ARB2A: variants seen among roughly 807,000 people sequenced by gnomAD.
The protein encoded by ARB2A is ARB2 cotranscriptional regulator A.
chr5:93,820,966 A>C, the ARB2A span, among the ~76,000 whole-genome samples: 1 of 152,152 alleles, frequency 6.6e-6, no homozygotes, highest in Non-Finnish European at 1.5e-5. Context: ...TAATGAGGTT[A>C]GATCTAATCA....
the ARB2A span, among the ~76,000 whole-genome samples, chr5:93,706,301 C>T: frequency 6.6e-6 from 1 of 152,188 alleles, no homozygotes; most frequent in African/African-American, 2.4e-5. Context: ...CACAAAAAGC[C>T]ACATATTCTG....
At chr5:93,684,081 C>T in the ARB2A span, among the ~76,000 whole-genome samples, 1 of 152,084 alleles carries the variant, frequency 6.6e-6, no homozygotes, top group African/African-American at 2.4e-5. Flanking sequence ...TAGCAATGAC[C>T]GTGTCAAACT....
chr5:93,668,673 G>A, the ARB2A span, among the ~76,000 whole-genome samples: 2 of 152,114 alleles, frequency 1.3e-5, no homozygotes, highest in Non-Finnish European at 2.9e-5. Flanking sequence ...ACAGTGGATA[G>A]GATAAGTACT....
chr5:93,996,520 A>C, the ARB2A span, among the ~76,000 whole-genome samples: 1 of 152,072 alleles, frequency 6.6e-6, no homozygotes. Flanking sequence ...TTATTGGTTC[A>C]CAAATCCAAG....
the ARB2A span, among the ~76,000 whole-genome samples, chr5:93,949,517 C>G: frequency 6.6e-6 from 1 of 151,958 alleles, no homozygotes; most frequent in Admixed American, 6.5e-5. Context: ...GCCGAGATCA[C>G]GCCACTGCAC....
At chr5:93,764,871 G>C in the ARB2A span, among the ~76,000 whole-genome samples, 15 of 152,168 alleles carry the variant, frequency 9.9e-5, no homozygotes, top group Non-Finnish European at 2.1e-4. Context: ...TCATTCCTGG[G>C]ATGCAAGGCT....
the ARB2A span, among the ~76,000 whole-genome samples, chr5:93,947,385 C>G: frequency 1.2e-4 from 18 of 152,016 alleles, no homozygotes; most frequent in Non-Finnish European, 2.5e-4. Flanking sequence ...ATTTACCCTA[C>G]CTGGTACCTT....
chr5:94,007,385 C>A, the ARB2A span, among the ~76,000 whole-genome samples: 244 of 152,234 alleles, frequency 1.6e-3, no homozygotes, highest in Non-Finnish European at 2.3e-3. Flanking sequence ...TTAGACTGAT[C>A]CAGTTTAACC....
chr5:93,983,577 G>C, the ARB2A span, among the ~76,000 whole-genome samples: 1 of 152,146 alleles, frequency 6.6e-6, no homozygotes, highest in Non-Finnish European at 1.5e-5. Flanking sequence ...CTAATACATA[G>C]AGAGGAAATG....
At chr5:93,664,557 G>A in the ARB2A span, among the ~76,000 whole-genome samples, 2 of 151,282 alleles carry the variant, frequency 1.3e-5, no homozygotes, top group Non-Finnish European at 2.9e-5. Context: ...CATGAACCCG[G>A]GAGGTGGAGC....
the ARB2A span, among the ~76,000 whole-genome samples, chr5:93,936,093 A>C: frequency 2.6e-5 from 4 of 152,226 alleles, no homozygotes; most frequent in Admixed American, 2.0e-4. Flanking sequence ...AAGTAGTAAC[A>C]AAGAGTTAAA....
chr5:93,763,021 T>C, the ARB2A span, among the ~76,000 whole-genome samples: 1 of 150,858 alleles, frequency 6.6e-6, no homozygotes, highest in Admixed American at 6.6e-5. Flanking sequence ...TGTCACCAAC[T>C]GCCCTAAAAG....
At chr5:93,843,005 G>C in the ARB2A span, among the ~76,000 whole-genome samples, 5 of 152,142 alleles carry the variant, frequency 3.3e-5, no homozygotes, top group African/African-American at 1.2e-4. Flanking sequence ...CTTCCCCACT[G>C]TTGGCAGTCA....
chr5:93,762,445 G>C, the ARB2A span, among the ~76,000 whole-genome samples: 5 of 152,180 alleles, frequency 3.3e-5, no homozygotes, highest in Non-Finnish European at 7.3e-5. Flanking sequence ...GGAAGAAAGG[G>C]TATCAGTGAT....
the ARB2A span, among the ~76,000 whole-genome samples, chr5:93,717,207 T>C: frequency 6.6e-6 from 1 of 152,160 alleles, no homozygotes; most frequent in Non-Finnish European, 1.5e-5. Flanking sequence ...GCTACTGCAT[T>C]GGTTAATTGA....
At chr5:93,986,361 G>A in the ARB2A span, among the ~76,000 whole-genome samples, 1 of 151,370 alleles carries the variant, frequency 6.6e-6, no homozygotes, top group East Asian at 2.0e-4. Context: ...GTGTCTGGTA[G>A]GTGAGGGGCG....
chr5:93,690,024 A>G, the ARB2A span, among the ~76,000 whole-genome samples: 3 of 152,144 alleles, frequency 2.0e-5, no homozygotes, highest in Non-Finnish European at 4.4e-5. Flanking sequence ...ATTCCGGCCC[A>G]GATACTACAC....
chr5:94,083,212 G>A, the ARB2A span, among the ~76,000 whole-genome samples: 33 of 152,120 alleles, frequency 2.2e-4, no homozygotes, highest in African/African-American at 8.0e-4. Context: ...TATGCCAAAT[G>A]GCTCTCATTA....
the ARB2A span, among the ~76,000 whole-genome samples, chr5:94,093,472 T>A: frequency 6.6e-6 from 1 of 152,180 alleles, no homozygotes; most frequent in African/African-American, 2.4e-5. Flanking sequence ...AGCTCTCTGG[T>A]GTCTCTTCTG....
Sources: allele counts gnomAD v4.1 joint callset (sites outside exome capture counted in the v4.1 genomes callset), GRCh38; gene constraint gnomAD v4.1.1; transcripts MANE v1.5; gene names NCBI Gene and HGNC (gene_info 2026-07-23, HGNC 2026-07-21).